Variants in FSTL5 observed in about 807,000 individuals in gnomAD.
The protein encoded by FSTL5 is follistatin like 5.
In FSTL5, 62 loss-of-function variants were observed where a neutral mutation model predicts 89.1. That is an observed-to-expected ratio of 0.70 (90% CI 0.57 to 0.86). FSTL5 has a LOEUF of 0.86. Ranked by LOEUF, FSTL5 falls within the 40% of genes least tolerant of loss-of-function variation. The pLI, the probability that FSTL5 is intolerant of heterozygous loss-of-function variation, is 0.00. For synonymous variants in FSTL5, 383 were observed against 346.2 expected (o/e 1.11, Z -1.18); for missense variants, 1,057 against 1,001.6 (o/e 1.06, Z -0.75).
intron 10 of FSTL5, among the ~76,000 whole-genome samples, chr4:161,520,647 C>G (rs1425697446): frequency 6.6e-6 from 1 of 152,030 alleles, no homozygotes; most frequent in Non-Finnish European, 1.5e-5. Context: ...GAAAAACTAA[C>G]CCTAGAACTG....
chr4:161,427,441 C>T (rs1159869784), intron 15 of FSTL5, among the ~76,000 whole-genome samples: 1 of 152,214 alleles, frequency 6.6e-6, no homozygotes, highest in East Asian at 1.9e-4. Context: ...TGAGGATTCA[C>T]TGCATAAGGA....
At chr4:161,452,262 G>A (rs1733192047) in intron 15 of FSTL5, among the ~76,000 whole-genome samples, 1 of 152,160 alleles carries the variant, frequency 6.6e-6, no homozygotes, top group Non-Finnish European at 1.5e-5. Context: ...GATCACCTGA[G>A]GTCAGGAGTT....
At chr4:161,602,344 G>C (rs1014009910) in intron 7 of FSTL5, among the ~76,000 whole-genome samples, 1 of 151,256 alleles carries the variant, frequency 6.6e-6, no homozygotes, top group African/African-American at 2.4e-5. Context: ...CTGACACATT[G>C]AAGAAAAGAC....
intron 7 of FSTL5, among the ~76,000 whole-genome samples, chr4:161,650,185 A>T (rs1269036004): frequency 6.6e-6 from 1 of 152,220 alleles, no homozygotes. Flanking sequence ...AAACAATAGA[A>T]ATGTACAAAC....
chr4:161,765,036 C>T (rs1740946091), intron 5 of FSTL5, among the ~76,000 whole-genome samples: 1 of 152,146 alleles, frequency 6.6e-6, no homozygotes, highest in South Asian at 2.1e-4. Flanking sequence ...ATCATTGTTG[C>T]TCTTATTATT....
At chr4:161,439,889 T>TGG (rs1732700712) in intron 15 of FSTL5, among the ~76,000 whole-genome samples, 1 of 152,138 alleles carries the variant, frequency 6.6e-6, no homozygotes, top group Non-Finnish European at 1.5e-5. Context: ...TTCAGGTAGT[T>TGG]CCCCAAGTGA....
chr4:161,541,163 C>T (rs1456808436), intron 9 of FSTL5, among the ~76,000 whole-genome samples: 3 of 152,120 alleles, frequency 2.0e-5, no homozygotes, highest in African/African-American at 7.2e-5. Flanking sequence ...GAGTTTTATA[C>T]CCCTATGTGT....
At chr4:162,034,543 C>T (rs1417748708) in intron 2 of FSTL5, among the ~76,000 whole-genome samples, 4 of 152,106 alleles carry the variant, frequency 2.6e-5, no homozygotes, top group Non-Finnish European at 5.9e-5. Context: ...AGTTACCGGG[C>T]AACCCCAAAA....
intron 4 of FSTL5, among the ~76,000 whole-genome samples, chr4:161,777,017 C>T (rs752066297): frequency 2.3e-4 from 35 of 151,734 alleles, no homozygotes; most frequent in Admixed American, 3.9e-4. Context: ...TTTATTCTCC[C>T]GCCATCACCC....
At chr4:161,683,339 G>T (rs1453619401) in intron 6 of FSTL5, among the ~76,000 whole-genome samples, 1 of 151,782 alleles carries the variant, frequency 6.6e-6, no homozygotes, top group Non-Finnish European at 1.5e-5. Flanking sequence ...CCAAAGCATT[G>T]TTATGTGGTG....
intron 3 of FSTL5, among the ~76,000 whole-genome samples, chr4:161,966,634 G>A (rs1347634216): frequency 1.3e-5 from 2 of 152,004 alleles, no homozygotes; most frequent in African/African-American, 4.8e-5. Flanking sequence ...CTGATGTGAA[G>A]ACACAGAGAA....
chr4:161,499,881 C>G, intron 12 of FSTL5, 135 bp downstream of exon 12: 1 of 624,984 alleles, frequency 1.6e-6, no homozygotes, highest in Non-Finnish European at 2.8e-6. Context: ...AAGAATAACA[C>G]CGAATATCAT....
At chr4:161,945,258 C>T (rs976356206) in intron 3 of FSTL5, among the ~76,000 whole-genome samples, 1 of 152,138 alleles carries the variant, frequency 6.6e-6, no homozygotes, top group Admixed American at 6.5e-5. Flanking sequence ...GAATTAAGCT[C>T]CACAATGATC....
intron 7 of FSTL5, among the ~76,000 whole-genome samples, chr4:161,625,506 T>C (rs1220388261): frequency 1.3e-5 from 2 of 152,120 alleles, no homozygotes; most frequent in Non-Finnish European, 2.9e-5. Flanking sequence ...GTGTTCTTAA[T>C]TGAAAAATGT....
At chr4:161,702,029 A>C (rs1738409630) in intron 6 of FSTL5, among the ~76,000 whole-genome samples, 1 of 152,174 alleles carries the variant, frequency 6.6e-6, no homozygotes, top group South Asian at 2.1e-4. Context: ...ACACATTTAA[A>C]CCCATTTCAA....
chr4:161,429,756 G>A (rs1438257521), intron 15 of FSTL5, among the ~76,000 whole-genome samples: 4 of 152,098 alleles, frequency 2.6e-5, no homozygotes, highest in African/African-American at 7.2e-5. Context: ...AGGATAGTAC[G>A]AAGATCCCAG....
At chr4:162,010,341 A>G (rs762856456) in intron 3 of FSTL5, among the ~76,000 whole-genome samples, 4 of 152,224 alleles carry the variant, frequency 2.6e-5, no homozygotes, top group Non-Finnish European at 5.9e-5. Flanking sequence ...AAAGTAATTC[A>G]GAGATACATT....
In FSTL5 at chr4:162,078,236, A is replaced by G. The variant is rs141461748; in HGVS notation, c.126+33035T>C. 1.2e-4 allele frequency among the ~76,000 whole-genome samples: 18 copies of G among 151,974 alleles called. No individual in the cohort carries two copies. The East Asian group carries it at 2.1e-3, about 18-fold the overall frequency. On this transcript the variant is annotated intron_variant, in intron 2 of 15. Transcript: ENST00000306100. ...AGGTCTCTCCTTTATGGGATTATCA[A>G]GTGCCGCATGTACTGCTATATATAC...
In FSTL5 at chr4:161,727,962, G is replaced by A. The variant is rs138386697; in HGVS notation, c.727+31449C>T. On this transcript the variant is annotated intron_variant, in intron 6 of 15. Transcript: ENST00000306100. ...CGCACCATTGCACTCCAGCCCTGGC[G>A]ACAGAGCTAGACTCTGTCTCAAACA... Among the ~76,000 whole-genome samples, 700 of 152,214 alleles carry A rather than the reference G, an allele frequency of 4.6e-3. 9 individuals are homozygous for A. Among genetic ancestry groups the A allele is most frequent in the African/African-American group, 0.016 (648 of 41,548 alleles).
Sources: allele counts gnomAD v4.1 joint callset (sites outside exome capture counted in the v4.1 genomes callset), GRCh38; gene constraint gnomAD v4.1.1; transcripts MANE v1.5; gene names NCBI Gene and HGNC (gene_info 2026-07-23, HGNC 2026-07-21).